BPIFB3: variants seen among roughly 807,000 people sequenced by gnomAD.
The protein encoded by BPIFB3 is BPI fold containing family B member 3.
In BPIFB3, 49 loss-of-function variants were observed where a neutral mutation model predicts 53.1. That is an observed-to-expected ratio of 0.92 (90% CI 0.73 to 1.17). The LOEUF (loss-of-function observed/expected upper bound fraction) is 1.17. Among genes scored for constraint, BPIFB3 ranks in the 50% most tolerant of loss-of-function variants. The pLI, the probability that BPIFB3 is intolerant of heterozygous loss-of-function variation, is 0.00. For synonymous variants in BPIFB3, 271 were observed against 269.6 expected (o/e 1.01, Z -0.05); for missense variants, 628 against 592.5 (o/e 1.06, Z -0.62).
intron 10 of BPIFB3, among the ~76,000 whole-genome samples, chr20:33,069,270 A>G (rs762743068): frequency 2.8e-4 from 43 of 151,816 alleles, no homozygotes; most frequent in African/African-American, 9.4e-4. Context: ...CTGCCCAGCT[A>G]TCTCCCTGAC....
intron 3 of BPIFB3, 28 bp downstream of exon 4, chr20:33,059,510 T>G: frequency 6.6e-7 from 1 of 1,522,808 alleles, no homozygotes; most frequent in Non-Finnish European, 9.0e-7. Context: ...ACCTCTACCC[T>G]CCTGCTTCCT....
intron 1 of BPIFB3, among the ~76,000 whole-genome samples, 158 bp downstream of exon 2, chr20:33,055,705 A>G (rs384430): frequency 0.59 from 89,508 of 152,036 alleles, 27,587 homozygotes; most frequent in East Asian, 0.81. Flanking sequence ...CAGGAGTGAA[A>G]GTTTCCCTTG....
At position 33,066,791 on chromosome 20, in the gene BPIFB3, G is replaced by A. The variant is rs748162557; in HGVS notation, c.925-33G>A. The A allele has an allele frequency of 2.5e-6, 4 of 1,606,994 alleles. 1 individual carries two copies. The highest frequency in any genetic ancestry group is 2.2e-5 in the South Asian group (2 of 90,876). ...TGAGGGATTCCTGTTCTGTCTCTGT[G>A]CTCACCAACCCTCTCTCCCATTGGG... On this transcript the variant is annotated intron_variant, in intron 8 of 14. Coordinates refer to ENST00000375494, the Ensembl canonical transcript of BPIFB3.
chr20:33,059,499 G>C lies in BPIFB3; in HGVS notation c.386+17G>C, dbSNP rs564529990. On this transcript the variant is annotated intron_variant, in intron 3 of 14. Transcript: ENST00000375494. ...TTGCTCTGGGTGAGTGTGTCCTGGG[G>C]ACCTCTACCCTCCTGCTTCCTATCC... The C allele has an allele frequency of 3.2e-6, 5 of 1,580,698 alleles. No individual in the cohort carries two copies. The Admixed American group carries it at 6.9e-5, about 22-fold the overall frequency.
intron 11 of BPIFB3, among the ~76,000 whole-genome samples, chr20:33,070,962 G>A (rs1980859486): frequency 1.3e-5 from 2 of 152,170 alleles, no homozygotes; most frequent in African/African-American, 4.8e-5. Context: ...TCTGGGGGAG[G>A]TCACTCCTCT....
intron 11 of BPIFB3, among the ~76,000 whole-genome samples, chr20:33,070,862 T>A (rs931792684): frequency 2.6e-5 from 4 of 152,208 alleles, no homozygotes; most frequent in African/African-American, 9.7e-5. Context: ...TGGCCCTGAA[T>A]CTGCACTTGG....
At chr20:33,061,198 A>G (rs1980439602) in intron 4 of BPIFB3, among the ~76,000 whole-genome samples, 1 of 152,138 alleles carries the variant, frequency 6.6e-6, no homozygotes, top group Admixed American at 6.5e-5. Context: ...GATTCCAGGC[A>G]AGGGCTTTGG....
chr20:33,058,112 T>G (rs2146380637), intron 2 of BPIFB3, among the ~76,000 whole-genome samples: 1 of 152,102 alleles, frequency 6.6e-6, no homozygotes, highest in African/African-American at 2.4e-5. Flanking sequence ...TCAAGTCCAG[T>G]GGAAACCAGT....
downstream of BPIFB3, chr20:33,073,760 T>A: frequency 1.2e-6 from 1 of 805,170 alleles, no homozygotes; most frequent in Non-Finnish European, 2.0e-6. Flanking sequence ...GGGAACTGCC[T>A]GGCTAATCAT....
At chr20:33,059,320 C>T (rs6088082) in intron 2 of BPIFB3, 58 bp from the exon 4 acceptor site, 499,789 of 1,351,860 alleles carry the variant, frequency 0.37, 93,641 homozygotes, top group East Asian at 0.46. Context: ...CCACTCTGGG[C>T]GCCGCCTGGG....
At chr20:33,060,117 C>G (rs1325287905) in intron 4 of BPIFB3, 86 bp downstream of exon 5, 13 of 1,534,980 alleles carry the variant, frequency 8.5e-6, no homozygotes, top group Non-Finnish European at 1.1e-5. Flanking sequence ...CTCCCTGGAG[C>G]TGCCAGCTGC....
At chr20:33,070,088 C>T in intron 11 of BPIFB3, 133 bp downstream of exon 12, 1 of 928,474 alleles carries the variant, frequency 1.1e-6, no homozygotes, top group Non-Finnish European at 1.7e-6. Flanking sequence ...TCCTTGCCTT[C>T]AGGACCCGCC....
chr20:33,072,627 A>T (rs1244040297), intron 13 of BPIFB3, 90 bp from the exon 15 acceptor site: 4 of 1,082,096 alleles, frequency 3.7e-6, no homozygotes, highest in Non-Finnish European at 5.6e-6. Flanking sequence ...AGTGAAAGTG[A>T]TGGAATAGGG....
At chr20:33,069,806 C>A (rs1032818011) in intron 10 of BPIFB3, 82 bp from the exon 12 acceptor site, 34 of 1,401,838 alleles carry the variant, frequency 2.4e-5, no homozygotes, top group Non-Finnish European at 3.3e-5. Context: ...GGTTAGTGGA[C>A]GGAACAGATG....
rs769606080 is a variant in BPIFB3, at chr20:33,057,822, CA to C, written c.281+1135del. Among the ~76,000 whole-genome samples the C allele has an allele frequency of 8.4e-3, 1,176 of 139,996 alleles. 7 individuals are homozygous for C. The highest frequency in any genetic ancestry group is 0.047 in the Middle Eastern group (13 of 274). The allele number at this position is 139,996 out of a possible 152,430, so 91.8% of individuals were successfully genotyped here. ...AGAACACAGCTTTTTTTTTTTCATT[CA>C]AAAAAAAAAAGTATTTTTGAATGAA... On this transcript the variant is annotated intron_variant, in intron 2 of 14. Coordinates refer to ENST00000375494, the Ensembl canonical transcript of BPIFB3.
intron 14 of BPIFB3, 90 bp from the exon 16 acceptor site, chr20:33,073,486 C>A: frequency 7.0e-7 from 1 of 1,420,690 alleles, no homozygotes; most frequent in Non-Finnish European, 9.8e-7. Context: ...AGGTACAGGG[C>A]CAATCCCAGG....
chr20:33,073,595 T>G (rs1405581256), exon 15 of BPIFB3: 1 of 1,614,136 alleles, frequency 6.2e-7, no homozygotes, highest in South Asian at 1.1e-5. Flanking sequence ...GTGCTGACCG[T>G]GGCATCCTGA....
chr20:33,071,142 G>A (rs909056080), intron 11 of BPIFB3, 111 bp from the exon 13 acceptor site: 1 of 1,149,048 alleles, frequency 8.7e-7, no homozygotes. Flanking sequence ...GCAGAGTGTT[G>A]GGCTGGTAAT....
chr20:33,055,389 G>A, upstream of BPIFB3: 1 of 1,608,688 alleles, frequency 6.2e-7, no homozygotes, highest in Non-Finnish European at 8.5e-7. Flanking sequence ...AGCAGGAGAA[G>A]GGTCTCAGAG....
Sources: allele counts gnomAD v4.1 joint callset (sites outside exome capture counted in the v4.1 genomes callset), GRCh38; gene constraint gnomAD v4.1.1; transcripts MANE v1.5; gene names NCBI Gene and HGNC (gene_info 2026-07-23, HGNC 2026-07-21).